The following PIK3C2G variants were observed in gnomAD, a reference collection of about 807,000 sequenced individuals.
PIK3C2G encodes the protein phosphatidylinositol-4-phosphate 3-kinase catalytic subunit type 2 gamma.
Under a neutral mutation model 181.1 loss-of-function variants are expected in PIK3C2G, and 168 were observed. The observed-to-expected ratio is 0.93, with a 90% CI of 0.82 to 1.05. PIK3C2G has a LOEUF of 1.05. Among genes scored for constraint, PIK3C2G ranks in the 50% least tolerant of loss-of-function variants. PIK3C2G has a pLI of 0.00. For missense variants in PIK3C2G, 1,869 were observed against 1,732.8 expected (o/e 1.08, Z -1.40); for synonymous variants, 573 against 592.2 (o/e 0.97, Z 0.47).
chr12:18,258,106 GC>G (rs1948166396), upstream of PIK3C2G, among the ~76,000 whole-genome samples: 1 of 152,060 alleles, frequency 6.6e-6, no homozygotes, highest in Non-Finnish European at 1.5e-5. Flanking sequence ...CCACAGAAGA[GC>G]ATATATTATT....
chr12:18,292,224 A>AC (rs1354183862), intron 4 of PIK3C2G, among the ~76,000 whole-genome samples: 9 of 105,858 alleles, frequency 8.5e-5, no homozygotes, highest in African/African-American at 3.1e-4. Flanking sequence ...AAAAAAAAAA[A>AC]AAAATATATA....
the PIK3C2G span, among the ~76,000 whole-genome samples, chr12:18,687,817 G>A: frequency 6.6e-6 from 1 of 152,026 alleles, no homozygotes. Context: ...TCGGTGATAT[G>A]AGAGAAAACA....
At chr12:18,637,211 T>C (rs1448240245) in intron 31 of PIK3C2G, among the ~76,000 whole-genome samples, 2 of 152,112 alleles carry the variant, frequency 1.3e-5, no homozygotes, top group Non-Finnish European at 2.9e-5. Flanking sequence ...AACCCATAGG[T>C]CCCTTTGAAT....
intron 2 of PIK3C2G, among the ~76,000 whole-genome samples, chr12:18,284,913 G>C (rs768778133): frequency 2.6e-5 from 4 of 152,144 alleles, no homozygotes; most frequent in Non-Finnish European, 2.9e-5. Flanking sequence ...TGGACAACTG[G>C]AATGCTAACA....
At chr12:18,645,337 T>C (rs1159015150) in intron 32 of PIK3C2G, among the ~76,000 whole-genome samples, 1 of 152,182 alleles carries the variant, frequency 6.6e-6, no homozygotes, top group Non-Finnish European at 1.5e-5. Flanking sequence ...GCAATCAGAA[T>C]AGATATTTAT....
intron 26 of PIK3C2G, among the ~76,000 whole-genome samples, chr12:18,557,948 A>G (rs1287955697): frequency 6.6e-6 from 1 of 152,206 alleles, no homozygotes; most frequent in East Asian, 1.9e-4. Flanking sequence ...TCTAATTTAC[A>G]TACAGTACAT....
chr12:18,508,771 C>A (rs1270104248), intron 24 of PIK3C2G, among the ~76,000 whole-genome samples: 1 of 152,078 alleles, frequency 6.6e-6, no homozygotes, highest in Admixed American at 6.6e-5. Flanking sequence ...TTTAATAACA[C>A]CCCCCATAAT....
chr12:18,640,688 G>A lies in PIK3C2G; in HGVS notation c.4308+134G>A, dbSNP rs572337224. On this transcript the variant is annotated intron_variant, in intron 32 of 32. Coordinates refer to ENST00000538779, the MANE Select transcript of PIK3C2G (RefSeq NM_001288772.2). ...AGGAAAGATATTTTCCAAAGTAGTC[G>A]CAGTATGCTGATCACTCTTCTAGAT... 177 of 792,654 alleles carry A rather than the reference G, an allele frequency of 2.2e-4. 1 individual carries two copies. The East Asian group carries it at 2.6e-3, about 12-fold the overall frequency. 49.1% of individuals were successfully genotyped at this position (792,654 alleles called of 1,614,324 possible).
At chr12:18,565,313 G>A (rs773277278) in intron 28 of PIK3C2G, among the ~76,000 whole-genome samples, 1 of 152,118 alleles carries the variant, frequency 6.6e-6, no homozygotes, top group Admixed American at 6.6e-5. Flanking sequence ...TCAGCTATTT[G>A]TGTTTCTGGG....
intron 23 of PIK3C2G, among the ~76,000 whole-genome samples, chr12:18,504,406 T>C (rs540277661): frequency 6.6e-6 from 1 of 152,338 alleles, no homozygotes; most frequent in East Asian, 1.9e-4. Context: ...AACCACCATT[T>C]GAAGGATATG....
At chr12:18,557,880 A>G (rs1945093030) in intron 26 of PIK3C2G, among the ~76,000 whole-genome samples, 1 of 152,198 alleles carries the variant, frequency 6.6e-6, no homozygotes, top group Admixed American at 6.5e-5. Flanking sequence ...ACGATATACC[A>G]CATTCGTGAA....
At chr12:18,604,603 A>G (rs1238132191) in intron 30 of PIK3C2G, among the ~76,000 whole-genome samples, 2 of 152,132 alleles carry the variant, frequency 1.3e-5, no homozygotes, top group African/African-American at 4.8e-5. Context: ...ATTCCACTCA[A>G]CAGTGCCTGG....
At chr12:18,265,870 C>T (rs1289657614) in intron 1 of PIK3C2G, among the ~76,000 whole-genome samples, 1 of 151,646 alleles carries the variant, frequency 6.6e-6, no homozygotes, top group Non-Finnish European at 1.5e-5. Flanking sequence ...AAAAATTAGG[C>T]AGGCATGGTG....
chr12:18,674,372 T>C, the PIK3C2G span, among the ~76,000 whole-genome samples: 2 of 150,588 alleles, frequency 1.3e-5, no homozygotes, highest in African/African-American at 2.4e-5. Context: ...GTTTTACATG[T>C]CTGCAATAGA....
intron 26 of PIK3C2G, among the ~76,000 whole-genome samples, chr12:18,550,120 C>A (rs796210943): frequency 5.9e-5 from 9 of 152,160 alleles, no homozygotes; most frequent in African/African-American, 2.2e-4. Flanking sequence ...ATACATCAAG[C>A]ACTGAGGATC....
At chr12:18,292,227 A>AAAATAT in intron 4 of PIK3C2G, among the ~76,000 whole-genome samples, 27 of 48,714 alleles carry the variant, frequency 5.5e-4, no homozygotes, top group African/African-American at 1.1e-3. Flanking sequence ...AAAAAAAAAA[A>AAAATAT]ATATATATAT....
At chr12:18,269,235 A>G (rs953658851) in intron 1 of PIK3C2G, among the ~76,000 whole-genome samples, 3 of 152,120 alleles carry the variant, frequency 2.0e-5, no homozygotes, top group Admixed American at 6.6e-5. Context: ...TTAAGAACCT[A>G]TATCCTCATG....
At position 18,362,846 on chromosome 12, in the gene PIK3C2G, G is replaced by A. The variant is rs1468483800; in HGVS notation, c.1708G>A (p.Asp570Asn). The A allele has an allele frequency of 1.3e-6, 2 of 1,518,084 alleles. No homozygotes were observed. Among genetic ancestry groups the A allele is most frequent in the Non-Finnish European group, 1.8e-6 (2 of 1,136,996 alleles). The allele number at this position is 1,518,084 out of a possible 1,614,324, so 94.0% of individuals were successfully genotyped here. Residue 570 changes from aspartate to asparagine, a missense_variant, in exon 12 of 33, where the codon GAC becomes AAC. Asp to Asn is a conservative substitution (Grantham distance 23). Coordinates refer to ENST00000538779, the MANE Select transcript of PIK3C2G (RefSeq NM_001288772.2). ...CQVRNYRNIP[D>N]KKLFFFLVNW... ...AGTGAGAAACTACAGAAATATTCCA[G>A]ACAAGAAATTATTTTTTTTCTTGGT...
intron 24 of PIK3C2G, among the ~76,000 whole-genome samples, chr12:18,525,104 T>C (rs1943148036): frequency 6.6e-6 from 1 of 151,960 alleles, no homozygotes; most frequent in South Asian, 2.1e-4. Flanking sequence ...AAAATCTGTA[T>C]ATTGGGCCAG....
Sources: allele counts gnomAD v4.1 joint callset (sites outside exome capture counted in the v4.1 genomes callset), GRCh38; gene constraint gnomAD v4.1.1; transcripts MANE v1.5; gene names NCBI Gene and HGNC (gene_info 2026-07-23, HGNC 2026-07-21).